CPED1: variants seen among roughly 807,000 people sequenced by gnomAD.
CPED1 encodes the protein cadherin like and PC-esterase domain containing 1.
A neutral mutation model predicts 128.2 loss-of-function variants in CPED1; 114 were observed. The observed-to-expected ratio is 0.89, with a 90% confidence interval of 0.76 to 1.04. The LOEUF is 1.04. Among genes scored for constraint, CPED1 ranks in the 50% least tolerant of loss-of-function variants. The pLI, the probability that CPED1 is intolerant of heterozygous loss-of-function variation, is 0.00. For missense variants in CPED1, 1,211 were observed against 1,207.1 expected (o/e 1.00, Z -0.05); for synonymous variants, 462 against 426.7 (o/e 1.08, Z -1.02).
At chr7:121,249,150 A>G (rs949853976) in intron 18 of CPED1, among the ~76,000 whole-genome samples, 2 of 152,212 alleles carry the variant, frequency 1.3e-5, no homozygotes, top group African/African-American at 4.8e-5. Flanking sequence ...AAAAAATTAA[A>G]CAAAAACTCC....
chr7:120,997,068 G>A (rs1796419152), intron 2 of CPED1, among the ~76,000 whole-genome samples: 1 of 152,172 alleles, frequency 6.6e-6, no homozygotes, highest in Non-Finnish European at 1.5e-5. Context: ...CCTTCTGTCA[G>A]GAGTCTCCTC....
At chr7:121,085,899 T>C (rs201255515) in intron 5 of CPED1, among the ~76,000 whole-genome samples, 9 of 152,230 alleles carry the variant, frequency 5.9e-5, no homozygotes, top group Non-Finnish European at 1.0e-4. Flanking sequence ...CGACTGAGCC[T>C]GAAATATTTC....
chr7:121,124,306 C>G (rs200112614), intron 7 of CPED1, 25 bp from the exon 8 acceptor site: 9 of 1,583,510 alleles, frequency 5.7e-6, no homozygotes, highest in East Asian at 2.3e-5. Context: ...TGTTTTAACA[C>G]GTGAATCCTT....
chr7:121,289,480 C>G (rs1194205237), intron 22 of CPED1, among the ~76,000 whole-genome samples: 1 of 152,082 alleles, frequency 6.6e-6, no homozygotes, highest in Non-Finnish European at 1.5e-5. Flanking sequence ...TACAGATTTC[C>G]TATTCAAATA....
At chr7:121,278,622 T>G (rs1792376274) in intron 22 of CPED1, among the ~76,000 whole-genome samples, 1 of 152,184 alleles carries the variant, frequency 6.6e-6, no homozygotes, top group African/African-American at 2.4e-5. Flanking sequence ...CATCTGTAAG[T>G]GAATTCTATC....
At chr7:121,041,314 T>C (rs1050421210) in intron 3 of CPED1, among the ~76,000 whole-genome samples, 1 of 152,072 alleles carries the variant, frequency 6.6e-6, no homozygotes, top group Non-Finnish European at 1.5e-5. Flanking sequence ...GTAAACAAAA[T>C]AGATATAGTC....
At chr7:121,112,106 A>G (rs1299184546) in intron 7 of CPED1, among the ~76,000 whole-genome samples, 2 of 152,126 alleles carry the variant, frequency 1.3e-5, no homozygotes, top group Non-Finnish European at 2.9e-5. Context: ...ACACAGTGGC[A>G]GTTTCAGGAT....
chr7:121,060,069 C>T (rs897381523), intron 4 of CPED1, among the ~76,000 whole-genome samples: 5 of 152,140 alleles, frequency 3.3e-5, no homozygotes, highest in African/African-American at 1.2e-4. Context: ...CTCGGAGCAG[C>T]CGGCCGGCCC....
intron 8 of CPED1, 30 bp downstream of exon 8, chr7:121,124,503 A>C (rs1193456764): frequency 7.2e-7 from 1 of 1,383,462 alleles, no homozygotes. Context: ...TTAAAAAAAA[A>C]AGAAAAGAAA....
intron 7 of CPED1, among the ~76,000 whole-genome samples, chr7:121,115,343 G>A (rs751999599): frequency 2.0e-5 from 3 of 152,174 alleles, no homozygotes; most frequent in Non-Finnish European, 4.4e-5. Flanking sequence ...TGAGAAAACA[G>A]CAGAGAGCTG....
chr7:121,136,097 T>A lies in CPED1; in HGVS notation c.1699+7T>A. ...GAAATACATTGCAGTGATGGTGAGT[T>A]GAGATTAAAGTGTTGTAGCAGCATA... On this transcript the variant is annotated splice_region_variant and intron_variant, in intron 14 of 22. Transcript: ENST00000310396. The A allele has an allele frequency of 6.4e-7, 1 of 1,552,924 alleles. No homozygotes were observed. Among genetic ancestry groups the A allele is most frequent in the African/African-American group, 1.4e-5 (1 of 71,574 alleles).
intron 7 of CPED1, among the ~76,000 whole-genome samples, chr7:121,115,965 A>C (rs546876328): frequency 6.6e-6 from 1 of 152,164 alleles, no homozygotes; most frequent in Non-Finnish European, 1.5e-5. Context: ...TCCAGAAGGG[A>C]TAATAAAGAA....
chr7:121,265,292 C>T (rs75826037), intron 18 of CPED1, among the ~76,000 whole-genome samples: 1,741 of 152,112 alleles, frequency 0.011, 13 homozygotes, highest in Middle Eastern at 0.024. Flanking sequence ...CTGGGTTCTC[C>T]ATTTAGTAGA....
At chr7:121,183,687 A>C (rs1382450040) in intron 16 of CPED1, among the ~76,000 whole-genome samples, 1 of 152,178 alleles carries the variant, frequency 6.6e-6, no homozygotes, top group Non-Finnish European at 1.5e-5. Flanking sequence ...GAACATAATG[A>C]TATTAGTTTT....
chr7:121,048,253 C>G lies in CPED1; in HGVS notation c.540+1260C>G, dbSNP rs565805031. 1.2e-4 allele frequency among the ~76,000 whole-genome samples: 18 copies of G among 152,264 alleles called. No individual in the cohort carries two copies. In the South Asian group the frequency reaches 3.7e-3, roughly 32 times the overall value. ...TGCTGAACATCTGCACCTGGATGTC[C>G]CACAGACATATCAAACTCAACCTGG... On this transcript the variant is annotated intron_variant, in intron 4 of 22. Coordinates refer to ENST00000310396, the MANE Select transcript of CPED1 (RefSeq NM_024913.5).
chr7:121,065,504 C>A (rs1383958174), intron 5 of CPED1, among the ~76,000 whole-genome samples: 1 of 151,948 alleles, frequency 6.6e-6, no homozygotes, highest in Admixed American at 6.6e-5. Context: ...TACTTTTGAC[C>A]AGAACCTACA....
At chr7:121,259,268 C>T (rs1030260555) in intron 18 of CPED1, among the ~76,000 whole-genome samples, 1 of 151,964 alleles carries the variant, frequency 6.6e-6, no homozygotes, top group African/African-American at 2.4e-5. Context: ...CACTTAATGG[C>T]CTGTGAGCAG....
At chr7:121,123,322 C>T (rs1043069013) in intron 7 of CPED1, among the ~76,000 whole-genome samples, 3 of 152,242 alleles carry the variant, frequency 2.0e-5, no homozygotes, top group East Asian at 3.9e-4. Flanking sequence ...TTTCCACAGG[C>T]AATCCAGGCC....
intron 3 of CPED1, among the ~76,000 whole-genome samples, chr7:121,020,661 G>A (rs1235319360): frequency 1.3e-5 from 2 of 151,772 alleles, no homozygotes; most frequent in Non-Finnish European, 2.9e-5. Context: ...TTAATAAAAT[G>A]TACATATAAA....
Sources: allele counts gnomAD v4.1 joint callset (sites outside exome capture counted in the v4.1 genomes callset), GRCh38; gene constraint gnomAD v4.1.1; transcripts MANE v1.5; gene names NCBI Gene and HGNC (gene_info 2026-07-23, HGNC 2026-07-21).